Variants in DRC8 observed in about 807,000 individuals in gnomAD.
DRC8 encodes dynein regulatory complex protein 8.
the DRC8 span, among the ~76,000 whole-genome samples, chr1:245,025,696 CCCCA>C: frequency 6.6e-6 from 1 of 152,136 alleles, no homozygotes; most frequent in African/African-American, 2.4e-5. Flanking sequence ...TTCACTGTGT[CCCCA>C]CCCAGATCTC....
At chr1:244,983,824 A>G in the DRC8 span, among the ~76,000 whole-genome samples, 1 of 151,726 alleles carries the variant, frequency 6.6e-6, no homozygotes, top group African/African-American at 2.4e-5. Context: ...TATGGTCACT[A>G]TGATTTACTT....
the DRC8 span, among the ~76,000 whole-genome samples, chr1:245,079,369 C>T: frequency 1.3e-5 from 2 of 152,150 alleles, no homozygotes; most frequent in East Asian, 1.9e-4. Context: ...ACACTTATGA[C>T]CCCTCTGCTG....
chr1:245,017,216 A>G, the DRC8 span: 6 of 1,579,544 alleles, frequency 3.8e-6, no homozygotes, highest in Non-Finnish European at 5.1e-6. Flanking sequence ...AAGTAAACTA[A>G]TTTTTATTTA....
chr1:245,011,081 G>A, the DRC8 span, among the ~76,000 whole-genome samples: 1 of 151,896 alleles, frequency 6.6e-6, no homozygotes, highest in South Asian at 2.1e-4. Flanking sequence ...AGATATCTTG[G>A]GAAAGGGATT....
chr1:245,111,356 G>A, the DRC8 span, among the ~76,000 whole-genome samples: 1 of 152,174 alleles, frequency 6.6e-6, no homozygotes, highest in South Asian at 2.1e-4. Flanking sequence ...AGGGCAAAGT[G>A]TCTAGTTGTA....
chr1:244,985,489 G>A, the DRC8 span, among the ~76,000 whole-genome samples: 3 of 152,184 alleles, frequency 2.0e-5, no homozygotes, highest in African/African-American at 7.2e-5. Context: ...GTTAGGCCTG[G>A]TGCTAGATGT....
chr1:245,055,070 A>T, the DRC8 span, among the ~76,000 whole-genome samples: 2 of 152,156 alleles, frequency 1.3e-5, no homozygotes, highest in South Asian at 4.1e-4. Context: ...GGAACAGAAC[A>T]GGGGATATCT....
the DRC8 span, among the ~76,000 whole-genome samples, chr1:244,976,468 C>A: frequency 6.6e-5 from 10 of 151,924 alleles, no homozygotes; most frequent in African/African-American, 2.2e-4. Context: ...TCCTCTTATT[C>A]AGAATAAAAA....
chr1:244,991,903 T>G, the DRC8 span, among the ~76,000 whole-genome samples: 1 of 152,204 alleles, frequency 6.6e-6, no homozygotes, highest in Non-Finnish European at 1.5e-5. Flanking sequence ...CTGTTACAAT[T>G]GACTGTCTGG....
At chr1:245,070,009 C>T in the DRC8 span, among the ~76,000 whole-genome samples, 1 of 152,076 alleles carries the variant, frequency 6.6e-6, no homozygotes, top group Non-Finnish European at 1.5e-5. Flanking sequence ...GGCACCACCA[C>T]ACTCCAGCCT....
At chr1:245,111,429 T>C in the DRC8 span, among the ~76,000 whole-genome samples, 1 of 152,242 alleles carries the variant, frequency 6.6e-6, no homozygotes, top group Non-Finnish European at 1.5e-5. Flanking sequence ...ATTTGCAGAA[T>C]ATTGACTGCA....
At chr1:245,048,951 C>T in the DRC8 span, among the ~76,000 whole-genome samples, 1 of 150,982 alleles carries the variant, frequency 6.6e-6, no homozygotes, top group Admixed American at 6.7e-5. Flanking sequence ...TATAGGTGTG[C>T]ACCGCTGGGG....
the DRC8 span, among the ~76,000 whole-genome samples, chr1:244,984,959 C>A: frequency 6.6e-6 from 1 of 151,524 alleles, no homozygotes; most frequent in Non-Finnish European, 1.5e-5. Context: ...ATTTATTATG[C>A]TGTAAATCTG....
the DRC8 span, among the ~76,000 whole-genome samples, chr1:245,003,102 C>T: frequency 1.3e-3 from 197 of 152,292 alleles, no homozygotes; most frequent in African/African-American, 4.5e-3. Flanking sequence ...TTCATCTACC[C>T]TATAAGAATG....
At chr1:245,119,412 G>A in the DRC8 span, among the ~76,000 whole-genome samples, 20 of 151,008 alleles carry the variant, frequency 1.3e-4, no homozygotes, top group East Asian at 2.5e-3. Context: ...AGTGGCTCAT[G>A]CCTGTAATCT....
the DRC8 span, among the ~76,000 whole-genome samples, chr1:245,026,721 A>G: frequency 3.3e-5 from 5 of 152,262 alleles, no homozygotes; most frequent in Non-Finnish European, 7.3e-5. Flanking sequence ...CTAAGACTAC[A>G]TGTGTAACTT....
chr1:245,017,248 TA>T, the DRC8 span: 2 of 1,605,628 alleles, frequency 1.2e-6, no homozygotes, highest in Non-Finnish European at 1.7e-6. Flanking sequence ...GCAGAGATAA[TA>T]GTAGCAGAAT....
At chr1:244,981,514 C>T in the DRC8 span, among the ~76,000 whole-genome samples, 4 of 152,162 alleles carry the variant, frequency 2.6e-5, no homozygotes, top group African/African-American at 9.7e-5. Context: ...TGGTAGGTGC[C>T]TCTGTTACCC....
the DRC8 span, among the ~76,000 whole-genome samples, chr1:244,997,380 C>T: frequency 6.6e-5 from 10 of 152,226 alleles, no homozygotes; most frequent in South Asian, 2.1e-4. Flanking sequence ...TGCCACTCTT[C>T]GGGGACCATC....
Sources: allele counts gnomAD v4.1 joint callset (sites outside exome capture counted in the v4.1 genomes callset), GRCh38; gene constraint gnomAD v4.1.1; transcripts MANE v1.5; gene names NCBI Gene and HGNC (gene_info 2026-07-23, HGNC 2026-07-21).